Variants in MED16 observed in about 807,000 individuals in gnomAD.
MED16 encodes mediator complex subunit 16.
Under a neutral mutation model 84.4 loss-of-function variants are expected in MED16, and 81 were observed. That is an observed-to-expected ratio of 0.96 (90% CI 0.80 to 1.15). The LOEUF (loss-of-function observed/expected upper bound fraction) is 1.15, where lower values mean the gene tolerates loss of function less well. MED16 is among the 50% of genes most tolerant of loss of function. MED16 has a pLI of 0.00. For synonymous variants in MED16, 897 were observed against 552.2 expected (o/e 1.62, Z -8.76); for missense variants, 1,585 against 1,245.9 (o/e 1.27, Z -4.10).
chr19:870,138 A>G (rs925169146), intron 13 of MED16, among the ~76,000 whole-genome samples: 5 of 152,218 alleles, frequency 3.3e-5, no homozygotes, highest in Non-Finnish European at 5.9e-5. Flanking sequence ...GCCCTGGGCC[A>G]TATGCTAAGG....
chr19:885,198 G>A (rs1478617660), intron 5 of MED16, among the ~76,000 whole-genome samples, 190 bp from the exon 6 acceptor site: 1 of 152,170 alleles, frequency 6.6e-6, no homozygotes, highest in Non-Finnish European at 1.5e-5. Flanking sequence ...TCACAGGAAC[G>A]CAAATGTCCC....
intron 6 of MED16, among the ~76,000 whole-genome samples, chr19:883,421 GGCACGTGGGGCGGTGC>G (rs2036460359): frequency 2.0e-5 from 3 of 148,312 alleles, no homozygotes; most frequent in Non-Finnish European, 4.5e-5. Flanking sequence ...TGGCACGGTG[GGCACGTGGGGCGGTGC>G]GTGAAGAGCT....
intron 4 of MED16, among the ~76,000 whole-genome samples, chr19:889,027 C>A (rs2036578644): frequency 6.6e-6 from 1 of 150,634 alleles, no homozygotes; most frequent in African/African-American, 2.5e-5. Context: ...CCCCCCCAAC[C>A]CTGGCCACGC....
At chr19:889,838 T>C (rs1346211305) in intron 3 of MED16, 31 bp from the exon 4 acceptor site, 2 of 1,590,982 alleles carry the variant, frequency 1.3e-6, no homozygotes, top group Non-Finnish European at 8.5e-7. Flanking sequence ...TTGCGAACCT[T>C]CCAGGGATGG....
chr19:889,847 G>C (rs1199753617), intron 3 of MED16, 40 bp from the exon 4 acceptor site: 1 of 1,578,374 alleles, frequency 6.3e-7, no homozygotes, highest in Non-Finnish European at 8.6e-7. Context: ...TTCCAGGGAT[G>C]GGCAGAGCAC....
intron 4 of MED16, among the ~76,000 whole-genome samples, chr19:889,050 G>A (rs1215730342): frequency 7.7e-5 from 9 of 116,818 alleles, no homozygotes; most frequent in Non-Finnish European, 1.5e-4. Flanking sequence ...ACTCTTAACT[G>A]TCCCCCCCAA....
chr19:877,206 G>T, intron 8 of MED16, 26 bp from the exon 9 acceptor site: 1 of 1,589,600 alleles, frequency 6.3e-7, no homozygotes. Flanking sequence ...CCCAAGGAGA[G>T]CCCGGTGAGA....
intron 11 of MED16, 58 bp downstream of exon 11, chr19:873,391 T>A: frequency 6.9e-7 from 1 of 1,454,430 alleles, no homozygotes; most frequent in Non-Finnish European, 9.1e-7. Context: ...GGAAGCGGGG[T>A]CCTGATGAGA....
intron 9 of MED16, among the ~76,000 whole-genome samples, chr19:876,571 G>A (rs1002889123): frequency 2.0e-5 from 3 of 152,100 alleles, no homozygotes; most frequent in Admixed American, 6.5e-5. Flanking sequence ...GGTAAGGAAG[G>A]AAACTGCTTC....
intron 6 of MED16, among the ~76,000 whole-genome samples, chr19:884,201 G>C (rs749847162): frequency 6.6e-6 from 1 of 152,188 alleles, no homozygotes; most frequent in African/African-American, 2.4e-5. Context: ...TCTCCAGAGC[G>C]GAGGCCAGCC....
intron 11 of MED16, chr19:872,878 G>T: frequency 2.4e-6 from 2 of 839,686 alleles, no homozygotes; most frequent in Non-Finnish European, 2.9e-6. Context: ...TTTGAGAATG[G>T]GCAGGAAGGG....
In MED16 at chr19:889,813, G is replaced by A. The variant is rs769753856; in HGVS notation, c.278-6C>T. On this transcript the variant is annotated splice_polypyrimidine_tract_variant and splice_region_variant and intron_variant, in intron 3 of 15. Transcript: ENST00000325464. ...TGCTGACAGGAGCCGGGAGCCTGAGGGCAAGAAGCCATCATTGCGAACCTT... is the reference window on the plus strand; with the variant it reads ...TGCTGACAGGAGCCGGGAGCCTGAGAGCAAGAAGCCATCATTGCGAACCTT... 3.7e-5 allele frequency: 59 copies of A among 1,607,444 alleles called. No individual in the cohort carries two copies. Among genetic ancestry groups the A allele is most frequent in the Non-Finnish European group, 4.8e-5 (57 of 1,177,878 alleles).
chr19:875,145 C>T (rs1377088536), intron 10 of MED16, 99 bp downstream of exon 10: 10 of 813,192 alleles, frequency 1.2e-5, no homozygotes, highest in Non-Finnish European at 1.8e-5. Context: ...GCCTGGGCAA[C>T]AGAGTAAGAC....
rs1261951584 is a variant in MED16, at chr19:886,170, G to T, written c.479C>A (p.Ser160Tyr). The T allele has an allele frequency of 6.6e-7, 1 of 1,524,094 alleles. No individual in the cohort carries two copies. The allele number at this position is 1,524,094 out of a possible 1,614,324, so 94.4% of individuals were successfully genotyped here. Reference protein sequence around the residue: ...SGASSFGEKFSRVKFSPSLTL... With the variant: ...SGASSFGEKFYRVKFSPSLTL... ...GAGCGACGGTGAGAACTTGACTCGGGAGAACTTCTCCCCGAAGCTGGAGGC... is the reference window on the plus strand; with the variant it reads ...GAGCGACGGTGAGAACTTGACTCGGTAGAACTTCTCCCCGAAGCTGGAGGC... Residue 160 changes from serine (S) to tyrosine (Y), a missense_variant, in exon 5 of 16, where the codon TCC becomes TAC. Ser to Tyr is a moderately radical substitution (Grantham distance 144). Coordinates refer to ENST00000325464, the MANE Select transcript of MED16 (RefSeq NM_005481.3).
At chr19:883,145 A>AG (rs1434783349) in intron 6 of MED16, among the ~76,000 whole-genome samples, 2 of 152,112 alleles carry the variant, frequency 1.3e-5, no homozygotes, top group Non-Finnish European at 2.9e-5. Context: ...TTCCTAAATG[A>AG]GGGGGGACTT....
At position 880,065 on chromosome 19, in the gene MED16, C is replaced by G; in HGVS notation, c.1225G>C (p.Ala409Pro). 1.2e-6 allele frequency: 2 copies of G among 1,611,216 alleles called. No homozygotes were observed. The highest frequency in any genetic ancestry group is 1.7e-6 in the Non-Finnish European group (2 of 1,179,390). ...LQTMAVFYSS[A>P]APRPVDEPAM... ...GGCTCATCCACAGGCCTCGGGGCCG[C>G]GGAGCTGTAGAAGACGGCCATGGTC... The change falls in exon 8 of 16, where the codon GCG becomes CCG. Residue 409 changes from alanine to proline, a missense_variant. Ala to Pro is a conservative substitution (Grantham distance 27). Coordinates refer to ENST00000325464, the MANE Select transcript of MED16 (RefSeq NM_005481.3).
chr19:875,109 A>T (rs1357493222), intron 10 of MED16, 135 bp downstream of exon 10: 6 of 544,092 alleles, frequency 1.1e-5, no homozygotes, highest in Non-Finnish European at 1.2e-5. Flanking sequence ...GGCTGCAGTG[A>T]GCTGAGATCG....
At chr19:881,415 G>C in intron 7 of MED16, 144 bp downstream of exon 7, 1 of 922,562 alleles carries the variant, frequency 1.1e-6, no homozygotes, top group South Asian at 2.3e-5. Flanking sequence ...GAACCCAGAA[G>C]GCTGAGCTCC....
rs768550889 is a variant in MED16, at chr19:880,040, G to A, written c.1250C>T (p.Pro417Leu). 4.6e-5 allele frequency: 74 copies of A among 1,610,812 alleles called. 1 individual carries two copies. In the South Asian group the frequency reaches 5.2e-4, roughly 11 times the overall value. The stretch of plus-strand genomic sequence containing the variant: ...CGCGGTGCGGGGGCGCTTCATGGCC[G>A]GCTCATCCACAGGCCTCGGGGCCGC... ...SSAAPRPVDE[P>L]AMKRPRTAGP... The change falls in exon 8 of 16, where the codon CCG becomes CTG. Residue 417 changes from proline (P) to leucine (L), a missense_variant. Pro to Leu is a moderately conservative substitution (Grantham distance 98). Transcript: ENST00000325464.
Sources: allele counts gnomAD v4.1 joint callset (sites outside exome capture counted in the v4.1 genomes callset), GRCh38; gene constraint gnomAD v4.1.1; transcripts MANE v1.5; gene names NCBI Gene and HGNC (gene_info 2026-07-23, HGNC 2026-07-21).